Variants in PKIB observed in about 807,000 individuals in gnomAD.
The protein encoded by PKIB is PKI-beta.
In PKIB, 2 loss-of-function variants were observed where a neutral mutation model predicts 4.5. The observed-to-expected ratio is 0.44, with a 90% CI of 0.18 to 1.39. The LOEUF is 1.39. PKIB is among the 40% of genes most tolerant of loss of function. PKIB has a pLI of 0.27. For synonymous variants in PKIB, 38 were observed against 36.0 expected, an observed-to-expected ratio of 1.06 and a Z score of -0.20; for missense variants, 94 against 92.6, an observed-to-expected ratio of 1.02 and a Z score of -0.06.
chr6:122,724,935 G>A (rs1779897872), intron 4 of PKIB, among the ~76,000 whole-genome samples, 193 bp from the exon 5 acceptor site: 1 of 152,108 alleles, frequency 6.6e-6, no homozygotes, highest in Non-Finnish European at 1.5e-5. Flanking sequence ...TAACTCTGTA[G>A]AATAGGAGAA....
At chr6:122,561,643 C>T (rs1773015837) in intron 2 of PKIB, among the ~76,000 whole-genome samples, 4 of 151,936 alleles carry the variant, frequency 2.6e-5, no homozygotes, top group Admixed American at 2.6e-4. Flanking sequence ...TCCTGTTGGG[C>T]AAGGCCTTTT....
At chr6:122,547,623 C>T (rs911272006) in intron 2 of PKIB, among the ~76,000 whole-genome samples, 20 of 151,200 alleles carry the variant, frequency 1.3e-4, no homozygotes, top group Non-Finnish European at 2.8e-4. Flanking sequence ...CAGGCGTGAG[C>T]CACCGCGCCC....
At chr6:122,687,037 T>C (rs1262925977) in intron 3 of PKIB, among the ~76,000 whole-genome samples, 1 of 152,206 alleles carries the variant, frequency 6.6e-6, no homozygotes, top group Admixed American at 6.5e-5. Context: ...AAGAAATCTT[T>C]GCCCATTTCA....
At chr6:122,651,119 A>G (rs1004728911) in intron 2 of PKIB, among the ~76,000 whole-genome samples, 1 of 152,180 alleles carries the variant, frequency 6.6e-6, no homozygotes, top group African/African-American at 2.4e-5. Flanking sequence ...GGTGGGAATC[A>G]TTACCCCTGC....
intron 2 of PKIB, among the ~76,000 whole-genome samples, chr6:122,567,352 C>T (rs1229492319): frequency 6.6e-6 from 1 of 152,128 alleles, no homozygotes; most frequent in East Asian, 1.9e-4. Flanking sequence ...CAGAATTAAG[C>T]TCTATTCACT....
rs751045973 is a variant in PKIB, at chr6:122,717,857, A to T, written c.63A>T (p.Ser21=). The part of the protein sequence containing the change: ...VESGVANFAS[S]ARAGRRNALP... The stretch of plus-strand genomic sequence containing the variant: ...CTGGGGTCGCCAATTTTGCATCTTC[A>T]GCAAGGGCAGGCCGCCGGAATGCCT... The change falls in exon 4 of 5, where the codon TCA becomes TCT. Residue 21 remains serine, a synonymous_variant. Coordinates refer to ENST00000368452, the MANE Select transcript of PKIB (RefSeq NM_181795.3). 6.2e-7 allele frequency: 1 copy of T among 1,614,162 alleles called. No homozygotes were observed. The highest frequency in any genetic ancestry group is 1.3e-5 in the African/African-American group (1 of 75,054).
At chr6:122,499,581 A>T (rs1175093947) in intron 2 of PKIB, among the ~76,000 whole-genome samples, 4 of 152,208 alleles carry the variant, frequency 2.6e-5, no homozygotes, top group Non-Finnish European at 5.9e-5. Context: ...AGAGCCATTT[A>T]TGAGAAACCA....
intron 1 of PKIB, among the ~76,000 whole-genome samples, chr6:122,611,463 T>G (rs1015461270): frequency 2.0e-5 from 3 of 152,178 alleles, no homozygotes; most frequent in Non-Finnish European, 4.4e-5. Context: ...AGCTGGAGTC[T>G]GTGCAGGACT....
intron 2 of PKIB, among the ~76,000 whole-genome samples, chr6:122,554,260 T>C (rs1319659504): frequency 6.6e-6 from 1 of 152,214 alleles, no homozygotes; most frequent in African/African-American, 2.4e-5. Context: ...GAAAAAGTAA[T>C]TAATTCCACC....
chr6:122,693,834 A>C (rs2115007219), intron 3 of PKIB, among the ~76,000 whole-genome samples: 1 of 152,292 alleles, frequency 6.6e-6, no homozygotes, highest in African/African-American at 2.4e-5. Context: ...AAACTGATTT[A>C]GTGGTGAACT....
rs201398949 is a variant in PKIB at position 122,688,578 on chromosome 6, G to A, written c.-9+13434G>A. Among the ~76,000 whole-genome samples, 11 of 152,138 alleles carry A rather than the reference G, an allele frequency of 7.2e-5. No individual in the cohort carries two copies. The East Asian group carries it at 1.9e-3, about 27-fold the overall frequency. On this transcript the variant is annotated intron_variant, in intron 3 of 4. Coordinates refer to ENST00000368452, the MANE Select transcript of PKIB (RefSeq NM_181795.3). ...TAGAATTTAGCAGTGAAGCCATTGG[G>A]TCTCAGGCTTTACTTTACTGGGAGA...
At chr6:122,720,642 A>G (rs1779701710) in intron 4 of PKIB, among the ~76,000 whole-genome samples, 1 of 152,124 alleles carries the variant, frequency 6.6e-6, no homozygotes. Flanking sequence ...GCGATTTGAT[A>G]TATAGGTCTG....
At chr6:122,532,162 T>A (rs1777277625) in intron 2 of PKIB, among the ~76,000 whole-genome samples, 1 of 152,180 alleles carries the variant, frequency 6.6e-6, no homozygotes, top group Non-Finnish European at 1.5e-5. Flanking sequence ...AAATTGCAGA[T>A]AACAATTAAC....
chr6:122,499,060 ATCAGTAATTT>A (rs1776152083), intron 2 of PKIB, among the ~76,000 whole-genome samples: 1 of 152,176 alleles, frequency 6.6e-6, no homozygotes, highest in Non-Finnish European at 1.5e-5. Flanking sequence ...CTAAAACTGA[ATCAGTAATTT>A]AAAAACCTAC....
chr6:122,689,155 C>T (rs2114994505), intron 3 of PKIB, among the ~76,000 whole-genome samples: 1 of 152,154 alleles, frequency 6.6e-6, no homozygotes, highest in East Asian at 1.9e-4. Flanking sequence ...TGGGTCTTCT[C>T]TCTTTTTTTC....
At chr6:122,524,426 C>A (rs1354099230) in intron 2 of PKIB, among the ~76,000 whole-genome samples, 1 of 151,716 alleles carries the variant, frequency 6.6e-6, no homozygotes, top group Non-Finnish European at 1.5e-5. Flanking sequence ...GCTGCTTCTT[C>A]TTCATTGTCA....
intron 2 of PKIB, among the ~76,000 whole-genome samples, chr6:122,658,648 A>G (rs748684421): frequency 3.3e-5 from 5 of 151,484 alleles, no homozygotes; most frequent in Non-Finnish European, 7.4e-5. Context: ...ATTAGTGGGG[A>G]CCCTCTCTGG....
chr6:122,705,661 G>A (rs1467289291), intron 3 of PKIB, among the ~76,000 whole-genome samples: 1 of 149,094 alleles, frequency 6.7e-6, no homozygotes, highest in African/African-American at 2.5e-5. Context: ...CAGCTCCCTG[G>A]TTCAAGTGAT....
intron 3 of PKIB, among the ~76,000 whole-genome samples, chr6:122,676,941 A>G (rs1777696446): frequency 6.6e-6 from 1 of 152,198 alleles, no homozygotes. Context: ...TAACAATGAC[A>G]TTAACCTATA....
Sources: gnomAD v4.1 joint callset for allele counts (sites outside exome capture counted in the v4.1 genomes callset) on GRCh38, gnomAD v4.1.1 for gene constraint, MANE v1.5 for transcripts, NCBI Gene and HGNC (gene_info 2026-07-23, HGNC 2026-07-21) for gene names.